The following ANKIB1 variants were observed in gnomAD, a reference collection of about 807,000 sequenced individuals.
ANKIB1 encodes ankyrin repeat and IBR domain containing 1.
ANKIB1 carries 43 observed loss-of-function variants against 122.1 expected under a neutral mutation model. That is an observed-to-expected ratio of 0.35 (90% CI 0.28 to 0.45). ANKIB1 has a LOEUF of 0.45. Among genes scored for constraint, ANKIB1 ranks in the 20% least tolerant of loss-of-function variants. ANKIB1 has a pLI of 1.00. For missense variants in ANKIB1, 992 were observed against 1,329.5 expected (o/e 0.75, Z 3.95); for synonymous variants, 390 against 442.0 (o/e 0.88, Z 1.48).
In ANKIB1 at chr7:92,398,572, A is replaced by G; in HGVS notation, c.2893A>G (p.Ile965Val). Residue 965 changes from isoleucine to valine, a missense_variant, in exon 20 of 20, where the codon ATC becomes GTC. By Grantham distance (29) the Ile-to-Val change is conservative. Transcript: ENST00000265742. ...TGACTCAGCTGGCCAGGACCCCAAC[A>G]TCAATGACAATCTTCTCGGCAACAT... Reference protein sequence around the residue: ...DPDSAGQDPNINDNLLGNIMA... With the variant: ...DPDSAGQDPNVNDNLLGNIMA... 1 of 1,613,916 alleles carries G rather than the reference A, an allele frequency of 6.2e-7. No homozygotes were observed. The highest frequency in any genetic ancestry group is 8.5e-7 in the Non-Finnish European group (1 of 1,179,856).
chr7:92,354,607 T>G (rs1803745883), intron 9 of ANKIB1, among the ~76,000 whole-genome samples: 1 of 152,220 alleles, frequency 6.6e-6, no homozygotes, highest in Non-Finnish European at 1.5e-5. Flanking sequence ...CTTTCAGTTT[T>G]GGTATTTATT....
chr7:92,263,559 A>G (rs1288300381), intron 1 of ANKIB1, among the ~76,000 whole-genome samples: 2 of 152,178 alleles, frequency 1.3e-5, no homozygotes, highest in Non-Finnish European at 2.9e-5. Flanking sequence ...AGATTTGGTA[A>G]TATCTCTGGG....
chr7:92,259,591 A>G (rs570379144), intron 1 of ANKIB1, among the ~76,000 whole-genome samples: 1 of 152,362 alleles, frequency 6.6e-6, no homozygotes, highest in South Asian at 2.1e-4. Context: ...TTATACAGCA[A>G]TTTAATAGCA....
intron 1 of ANKIB1, among the ~76,000 whole-genome samples, chr7:92,282,516 C>A (rs1802030249): frequency 6.6e-6 from 1 of 152,154 alleles, no homozygotes; most frequent in Non-Finnish European, 1.5e-5. Context: ...CCAAGATAAA[C>A]CCTTCCAGTT....
chr7:92,265,433 T>A (rs1215806092), intron 1 of ANKIB1, among the ~76,000 whole-genome samples: 1 of 152,198 alleles, frequency 6.6e-6, no homozygotes, highest in Non-Finnish European at 1.5e-5. Flanking sequence ...AGTTGATATA[T>A]TCATGGAGCA....
intron 10 of ANKIB1, among the ~76,000 whole-genome samples, chr7:92,363,113 A>C (rs957190469): frequency 4.0e-5 from 6 of 151,700 alleles, no homozygotes; most frequent in African/African-American, 1.2e-4. Context: ...TCACCCAATA[A>C]ATCTACACTT....
intron 5 of ANKIB1, among the ~76,000 whole-genome samples, chr7:92,329,831 G>T (rs920256174): frequency 1.3e-5 from 2 of 152,018 alleles, no homozygotes; most frequent in Admixed American, 6.6e-5. Flanking sequence ...CTGACTTAAG[G>T]CTGTCATTAC....
intron 4 of ANKIB1, among the ~76,000 whole-genome samples, chr7:92,320,607 A>G (rs557299187): frequency 6.6e-6 from 1 of 152,236 alleles, no homozygotes; most frequent in East Asian, 1.9e-4. Context: ...CATCCAAACA[A>G]TTGGGGAATC....
chr7:92,314,056 G>T (rs1352581946), intron 3 of ANKIB1, among the ~76,000 whole-genome samples: 1 of 152,046 alleles, frequency 6.6e-6, no homozygotes, highest in East Asian at 1.9e-4. Context: ...CCACTACTTT[G>T]GTTGGCCGAG....
In ANKIB1 at chr7:92,287,016, C is replaced by CA. The variant is rs1802145513; in HGVS notation, c.-90-7872dup. ...TCCTGTTTCTATTCATGCCTTCCTA[C>CA]AGTCTCTTCCCAAACACAGGAGCTA... On this transcript the variant is annotated intron_variant, in intron 1 of 19. Coordinates refer to ENST00000265742, the MANE Select transcript of ANKIB1 (RefSeq NM_019004.2). 3.3e-5 allele frequency among the ~76,000 whole-genome samples: 5 copies of CA among 152,206 alleles called. No homozygotes were observed. In the South Asian group the frequency reaches 1.0e-3, roughly 31 times the overall value.
rs952000213 is a variant in ANKIB1 at position 92,399,937 on chromosome 7, AAG to A, written c.*989_*990del. 3.3e-5 allele frequency: 5 copies of A among 152,210 alleles called. No individual in the cohort carries two copies. The highest frequency in any genetic ancestry group is 1.2e-4 in the African/African-American group (5 of 41,456). The allele number at this position is 152,210 out of a possible 1,614,324, so 9.4% of individuals were successfully genotyped here. On this transcript the variant is annotated 3_prime_UTR_variant, in exon 20 of 20. Transcript: ENST00000265742. Reference sequence around the variant, plus strand: ...AATCGTGTTTTATAAAATAGAAAAAAAGTGGAGTTTTCATGAGTTATAGTAAA... The same window carrying A: ...AATCGTGTTTTATAAAATAGAAAAAATGGAGTTTTCATGAGTTATAGTAAA...
chr7:92,386,478 G>C, intron 11 of ANKIB1, 31 bp from the exon 12 acceptor site: 1 of 1,559,858 alleles, frequency 6.4e-7, no homozygotes, highest in Non-Finnish European at 8.7e-7. Flanking sequence ...TTAATATGGG[G>C]AGATGTTTTC....
Position 92,352,564 on chromosome 7 carries a change from C to T in ANKIB1, c.1319C>T (p.Thr440Ile), listed in dbSNP as rs759314504. The T allele has an allele frequency of 2.5e-6, 4 of 1,613,474 alleles. No individual in the cohort carries two copies. Among genetic ancestry groups the T allele is most frequent in the South Asian group, 1.1e-5 (1 of 90,980 alleles). Residue 440 changes from threonine (T) to isoleucine (I), a missense_variant, in exon 9 of 20, where the codon ACA (threonine) becomes ATA (isoleucine). By Grantham distance (89) the Thr-to-Ile change is moderately conservative (BLOSUM62 -1). Coordinates refer to ENST00000265742, the MANE Select transcript of ANKIB1 (RefSeq NM_019004.2). ...AVRLTKQGSN[T>I]SGSDTLSFPL... The stretch of plus-strand genomic sequence containing the variant: ...AGACTAACGAAACAAGGGTCAAATA[C>T]ATCTGGATCTGATACACTCAGCTTC...
chr7:92,376,223 AAG>A (rs1188715012), intron 11 of ANKIB1, among the ~76,000 whole-genome samples: 1 of 152,192 alleles, frequency 6.6e-6, no homozygotes, highest in Non-Finnish European at 1.5e-5. Flanking sequence ...ATCCCGTAAC[AAG>A]AGTCAGCCCA....
intron 7 of ANKIB1, chr7:92,347,963 G>A (rs1345352136): frequency 9.0e-6 from 4 of 446,766 alleles, no homozygotes; most frequent in African/African-American, 2.0e-5. Context: ...AATAAGCAGA[G>A]AGAGCCTACC....
At chr7:92,343,322 G>A in intron 6 of ANKIB1, 90 bp downstream of exon 6, 3 of 1,209,558 alleles carry the variant, frequency 2.5e-6, no homozygotes, top group South Asian at 2.7e-5. Context: ...GGAGTGTCTG[G>A]TTGTGTTCTT....
intron 5 of ANKIB1, among the ~76,000 whole-genome samples, chr7:92,331,429 GGC>G (rs898077009): frequency 6.6e-6 from 1 of 151,872 alleles, no homozygotes; most frequent in African/African-American, 2.4e-5. Flanking sequence ...CACCATGCCT[GGC>G]TAATTTTTGT....
intron 1 of ANKIB1, among the ~76,000 whole-genome samples, chr7:92,255,675 T>C (rs1210565685): frequency 2.6e-5 from 4 of 152,212 alleles, no homozygotes; most frequent in Non-Finnish European, 5.9e-5. Flanking sequence ...TTCTGTTCTT[T>C]GAAAAAAATA....
intron 2 of ANKIB1, among the ~76,000 whole-genome samples, chr7:92,301,214 T>C (rs904209284): frequency 2.0e-5 from 3 of 152,202 alleles, no homozygotes; most frequent in Admixed American, 6.5e-5. Flanking sequence ...TACCCAGAAG[T>C]AAGATTCCTG....
Sources: gnomAD v4.1 joint callset for allele counts (sites outside exome capture counted in the v4.1 genomes callset) on GRCh38, gnomAD v4.1.1 for gene constraint, MANE v1.5 for transcripts, NCBI Gene and HGNC (gene_info 2026-07-23, HGNC 2026-07-21) for gene names.